Variants in CTNNA3 observed in about 807,000 individuals in gnomAD.
CTNNA3 encodes the protein catenin alpha-3.
In CTNNA3, 76 loss-of-function variants were observed where a neutral mutation model predicts 95.7. That is an observed-to-expected ratio of 0.79 (90% confidence interval 0.66 to 0.96). The LOEUF (loss-of-function observed/expected upper bound fraction) is 0.96. Ranked by LOEUF, CTNNA3 falls within the 40% of genes least tolerant of loss-of-function variation. The pLI is 0.00. For missense variants in CTNNA3, 1,191 were observed against 1,089.8 expected (o/e 1.09, Z -1.31); for synonymous variants, 431 against 374.4 (o/e 1.15, Z -1.74).
intron 7 of CTNNA3, among the ~76,000 whole-genome samples, chr10:67,130,979 T>A (rs938952383): frequency 1.3e-5 from 2 of 152,072 alleles, no homozygotes; most frequent in African/African-American, 4.8e-5. Flanking sequence ...AAGATAAATA[T>A]AGGGCATGCA....
At chr10:67,412,302 G>T (rs532794488) in intron 5 of CTNNA3, among the ~76,000 whole-genome samples, 1 of 152,022 alleles carries the variant, frequency 6.6e-6, no homozygotes, top group South Asian at 2.1e-4. Flanking sequence ...AATTTGAATA[G>T]AATTTTAATA....
intron 5 of CTNNA3, among the ~76,000 whole-genome samples, chr10:67,379,804 G>A (rs1289929323): frequency 1.3e-5 from 2 of 151,926 alleles, no homozygotes; most frequent in African/African-American, 4.8e-5. Flanking sequence ...GGCGGATCAC[G>A]AGGTCAGGAG....
chr10:67,154,170 G>A (rs1178335513), intron 7 of CTNNA3, among the ~76,000 whole-genome samples: 1 of 152,088 alleles, frequency 6.6e-6, no homozygotes, highest in Admixed American at 6.5e-5. Context: ...ATTTAGGAAT[G>A]TTTTATAACT....
At chr10:66,305,715 G>A (rs1158794933) in intron 12 of CTNNA3, among the ~76,000 whole-genome samples, 1 of 152,152 alleles carries the variant, frequency 6.6e-6, no homozygotes, top group East Asian at 1.9e-4. Context: ...AGGTTATAGA[G>A]CAATTATCAA....
chr10:67,245,476 A>G (rs1238968623), intron 5 of CTNNA3, among the ~76,000 whole-genome samples: 1 of 152,206 alleles, frequency 6.6e-6, no homozygotes, highest in East Asian at 1.9e-4. Context: ...GAATGAATGA[A>G]CAGCAACCCA....
intron 1 of CTNNA3, among the ~76,000 whole-genome samples, chr10:67,703,276 T>C (rs1032372386): frequency 1.3e-5 from 2 of 152,038 alleles, no homozygotes; most frequent in Non-Finnish European, 2.9e-5. Context: ...ACTCATTTTA[T>C]GAGGCCAGCA....
At chr10:67,566,476 A>G (rs886836336) in intron 3 of CTNNA3, among the ~76,000 whole-genome samples, 1 of 152,132 alleles carries the variant, frequency 6.6e-6, no homozygotes, top group African/African-American at 2.4e-5. Context: ...ATGAGGTACC[A>G]TCTCACACCA....
intron 15 of CTNNA3, among the ~76,000 whole-genome samples, chr10:66,029,245 A>C: frequency 6.6e-6 from 1 of 152,294 alleles, no homozygotes; most frequent in Non-Finnish European, 1.5e-5. Context: ...TAAAAAATGT[A>C]ATACAGAGCA....
chr10:66,250,718 T>C (rs2090516164), intron 13 of CTNNA3, among the ~76,000 whole-genome samples: 1 of 152,194 alleles, frequency 6.6e-6, no homozygotes, highest in Admixed American at 6.5e-5. Context: ...AACTACTCTT[T>C]GTCTATGCTT....
chr10:66,535,726 G>C (rs1326550227), intron 10 of CTNNA3, among the ~76,000 whole-genome samples: 2 of 152,224 alleles, frequency 1.3e-5, no homozygotes, highest in South Asian at 4.1e-4. Flanking sequence ...GATGGGGAGG[G>C]AGAAGTCTGT....
At chr10:65,959,322 C>A (rs1161874140) in intron 17 of CTNNA3, among the ~76,000 whole-genome samples, 1 of 152,160 alleles carries the variant, frequency 6.6e-6, no homozygotes, top group Non-Finnish European at 1.5e-5. Flanking sequence ...AAGGGAATTC[C>A]CCGACCCCTT....
intron 5 of CTNNA3, among the ~76,000 whole-genome samples, chr10:67,361,518 A>T (rs9415874): frequency 0.89 from 135,184 of 152,190 alleles, 61,156 homozygotes; most frequent in East Asian, 1. Context: ...TGTTCCTGGA[A>T]GACTTTTGGG....
chr10:66,559,292 C>A (rs1490379327), intron 10 of CTNNA3, among the ~76,000 whole-genome samples: 1 of 151,986 alleles, frequency 6.6e-6, no homozygotes, highest in African/African-American at 2.4e-5. Flanking sequence ...AAAATAAGGA[C>A]AAAAGGACTT....
chr10:67,726,767 A>AGATAT (rs1841232447), intron 1 of CTNNA3, among the ~76,000 whole-genome samples: 1 of 94,050 alleles, frequency 1.1e-5, no homozygotes, highest in Non-Finnish European at 1.8e-5. Context: ...AGAATATGAC[A>AGATAT]CATATATCAT....
intron 5 of CTNNA3, among the ~76,000 whole-genome samples, chr10:67,500,379 T>A (rs1323035644): frequency 6.6e-6 from 1 of 152,248 alleles, no homozygotes; most frequent in African/African-American, 2.4e-5. Context: ...ATAAGTGTGA[T>A]GTGATGCTGA....
At chr10:67,677,589 A>G (rs1840557710) in intron 1 of CTNNA3, among the ~76,000 whole-genome samples, 1 of 152,108 alleles carries the variant, frequency 6.6e-6, no homozygotes, top group Non-Finnish European at 1.5e-5. Flanking sequence ...ACCAATCAAA[A>G]AGTCAGCTTG....
chr10:67,725,946 G>C (rs1427879297), intron 1 of CTNNA3, among the ~76,000 whole-genome samples: 5 of 108,308 alleles, frequency 4.6e-5, no homozygotes, highest in Non-Finnish European at 8.9e-5. Flanking sequence ...ATTATTTTTA[G>C]TATATGTATA....
At chr10:66,606,003 G>C (rs1006294384) in intron 10 of CTNNA3, among the ~76,000 whole-genome samples, 1 of 151,960 alleles carries the variant, frequency 6.6e-6, no homozygotes, top group African/African-American at 2.4e-5. Flanking sequence ...TAAACACAGA[G>C]GGGCAAGCTG....
In CTNNA3 at chr10:67,004,035, T is replaced by C. The variant is rs1044301032; in HGVS notation, c.1047+176282A>G. Among the ~76,000 whole-genome samples, 5 of 152,094 alleles carry C rather than the reference T, an allele frequency of 3.3e-5. No homozygotes were observed. The East Asian group carries it at 7.7e-4, about 23-fold the overall frequency. ...TGAGTGGAGGTAATATTTGTGGACATTGAATCAAACCAGTTTTCTCACCTA... is the reference window on the plus strand; with the variant it reads ...TGAGTGGAGGTAATATTTGTGGACACTGAATCAAACCAGTTTTCTCACCTA... On this transcript the variant is annotated intron_variant, in intron 7 of 17. Coordinates refer to ENST00000433211, the MANE Select transcript of CTNNA3 (RefSeq NM_013266.4).
Sources: allele counts gnomAD v4.1 joint callset (sites outside exome capture counted in the v4.1 genomes callset), GRCh38; gene constraint gnomAD v4.1.1; transcripts MANE v1.5; gene names NCBI Gene and HGNC (gene_info 2026-07-23, HGNC 2026-07-21).